The following MAN1C1 variants were observed in gnomAD, a reference collection of about 807,000 sequenced individuals.
The protein encoded by MAN1C1 is mannosyl-oligosaccharide 1,2-alpha-mannosidase IC.
A neutral mutation model predicts 71.5 loss-of-function variants in MAN1C1; 49 were observed. The ratio of observed to expected loss-of-function variants is 0.69; its 90% CI spans 0.54 to 0.87. The LOEUF is 0.87. Ranked by LOEUF, MAN1C1 falls within the 40% of genes least tolerant of loss-of-function variation. The probability of loss-of-function intolerance (pLI) is 0.00; values close to 1 mark genes in which losing one functional copy is unlikely to be tolerated. For missense variants in MAN1C1, 743 were observed against 835.0 expected, an observed-to-expected ratio of 0.89 and a Z score of 1.36; for synonymous variants, 352 against 343.7, an observed-to-expected ratio of 1.02 and a Z score of -0.27.
At position 25,648,726 on chromosome 1, in the gene MAN1C1, A is replaced by G. The variant is rs113886739; in HGVS notation, c.540+30389A>G. ...GGCCCTGGCTTTCAGCAAATGGTAA[A>G]CTCTACTTGAGGGCATAATTCAATT... is the stretch of plus-strand genomic sequence containing the variant. On this transcript the variant is annotated intron_variant, in intron 1 of 11. Transcript: ENST00000374332. Among the ~76,000 whole-genome samples the G allele has an allele frequency of 3.5e-3, 529 of 152,186 alleles. 3 individuals carry two copies. Among genetic ancestry groups the G allele is most frequent in the African/African-American group, 0.012 (513 of 41,502 alleles).
intron 2 of MAN1C1, among the ~76,000 whole-genome samples, chr1:25,696,327 C>T (rs1014666301): frequency 3.3e-5 from 5 of 152,122 alleles, no homozygotes; most frequent in African/African-American, 9.7e-5. Flanking sequence ...GTCTGAGGAC[C>T]GGGAGGCAGG....
intron 2 of MAN1C1, among the ~76,000 whole-genome samples, chr1:25,697,185 A>C (rs2046381006): frequency 1.3e-5 from 2 of 151,880 alleles, no homozygotes; most frequent in Non-Finnish European, 2.9e-5. Flanking sequence ...CTCATTTCTC[A>C]TCCTCTTTCC....
At chr1:25,731,076 G>T (rs1369860712) in intron 2 of MAN1C1, among the ~76,000 whole-genome samples, 1 of 152,194 alleles carries the variant, frequency 6.6e-6, no homozygotes. Context: ...CAGCACTTTG[G>T]GAGGTCGAGG....
Position 25,775,823 on chromosome 1 carries a change from TCTGCAAAGTACAGCA to T in MAN1C1, c.1258-2277_1258-2263del, listed in dbSNP as rs1299286074. 1 of 152,228 alleles carries T rather than the reference TCTGCAAAGTACAGCA, an allele frequency of 6.6e-6. No homozygotes were observed. Among genetic ancestry groups the T allele is most frequent in the Non-Finnish European group, 1.5e-5 (1 of 68,060 alleles). 9.4% of individuals were successfully genotyped at this position (152,228 alleles called of 1,614,324 possible). On this transcript the variant is annotated intron_variant, in intron 8 of 11. Coordinates refer to ENST00000374332, the MANE Select transcript of MAN1C1 (RefSeq NM_020379.4). The surrounding 1 kb of genome is among the most constrained non-coding windows in gnomAD (Gnocchi z 5.1). ...GCAGAGAGATTTTCCCTGACCTCCCTCTGCAAAGTACAGCACTGCCCCCACCCCAGTTTTTTTTGT... is the reference window on the plus strand; with the variant it reads ...GCAGAGAGATTTTCCCTGACCTCCCTCTGCCCCCACCCCAGTTTTTTTTGT...
intron 1 of MAN1C1, among the ~76,000 whole-genome samples, chr1:25,624,674 G>A (rs1485004251): frequency 6.6e-6 from 1 of 152,172 alleles, no homozygotes; most frequent in Non-Finnish European, 1.5e-5. Context: ...TGCTGCCAAG[G>A]TGAACCTTCT....
chr1:25,701,525 C>T (rs2046443710), intron 2 of MAN1C1, among the ~76,000 whole-genome samples: 1 of 152,272 alleles, frequency 6.6e-6, no homozygotes, highest in South Asian at 2.1e-4. Flanking sequence ...CCAACGCCCA[C>T]ATTCCCTGTT....
Position 25,746,606 on chromosome 1 carries a change from G to A in MAN1C1, c.638-62G>A, listed in dbSNP as rs928751950. Reference sequence around the variant, plus strand: ...GGAGGGGCCCTGAGAACGGTGGCTTGTCCAGTTGGGGAAAAGAGAAAGATG... The same window carrying A: ...GGAGGGGCCCTGAGAACGGTGGCTTATCCAGTTGGGGAAAAGAGAAAGATG... On this transcript the variant is annotated intron_variant, in intron 2 of 11. Coordinates refer to ENST00000374332, the MANE Select transcript of MAN1C1 (RefSeq NM_020379.4). The surrounding 1 kb of genome is among the most constrained non-coding windows in gnomAD (Gnocchi z 4.0). The A allele has an allele frequency of 1.8e-5, 24 of 1,315,904 alleles. No individual in the cohort carries two copies. The highest frequency in any genetic ancestry group is 1.8e-4 in the Middle Eastern group (1 of 5,564). 81.5% of individuals were successfully genotyped at this position (1,315,904 alleles called of 1,614,324 possible). A position where few individuals can be genotyped will look rare whatever the true frequency, so the allele number is the denominator to read the frequency against.
At chr1:25,643,001 G>T (rs889166901) in intron 1 of MAN1C1, among the ~76,000 whole-genome samples, 3 of 152,192 alleles carry the variant, frequency 2.0e-5, no homozygotes, top group Admixed American at 6.5e-5. Context: ...TGACTCATTT[G>T]TCAGGGTTCT....
intron 3 of MAN1C1, among the ~76,000 whole-genome samples, chr1:25,748,185 G>A (rs998302409): frequency 3.9e-5 from 6 of 152,168 alleles, no homozygotes; most frequent in African/African-American, 1.4e-4. Flanking sequence ...TGGGGCAGGT[G>A]AGGAAATGTC....
intron 7 of MAN1C1, among the ~76,000 whole-genome samples, chr1:25,768,466 A>ACACAC: frequency 8.6e-6 from 1 of 116,502 alleles, no homozygotes; most frequent in Non-Finnish European, 1.8e-5. Flanking sequence ...CTCCCCTCAC[A>ACACAC]CACACACATT....
intron 1 of MAN1C1, among the ~76,000 whole-genome samples, chr1:25,648,371 A>G (rs916802964): frequency 6.6e-6 from 1 of 152,172 alleles, no homozygotes; most frequent in Admixed American, 6.5e-5. Flanking sequence ...AAGCCGTCTG[A>G]TATTGGTGCT....
In MAN1C1 at chr1:25,763,859, T is replaced by A; in HGVS notation, c.1048-15T>A. 6.2e-7 allele frequency: 1 copy of A among 1,611,532 alleles called. No individual in the cohort carries two copies. The highest frequency in any genetic ancestry group is 8.5e-7 in the Non-Finnish European group (1 of 1,177,934). ...CGGAAGCATGAAGGCTCACCTGGTG[T>A]CCGTCTCTCGGCAGGTCAGGAACAT... On this transcript the variant is annotated splice_polypyrimidine_tract_variant and intron_variant, in intron 6 of 11. Coordinates refer to ENST00000374332, the MANE Select transcript of MAN1C1 (RefSeq NM_020379.4).
At chr1:25,652,268 C>G (rs2045703156) in intron 1 of MAN1C1, among the ~76,000 whole-genome samples, 1 of 152,210 alleles carries the variant, frequency 6.6e-6, no homozygotes, top group Admixed American at 6.5e-5. Context: ...GCAGGAGGGA[C>G]TCCTGTGCAG....
chr1:25,717,574 C>T (rs2046698279), intron 2 of MAN1C1, among the ~76,000 whole-genome samples: 1 of 149,366 alleles, frequency 6.7e-6, no homozygotes, highest in Non-Finnish European at 1.5e-5. Context: ...GTACCATTTT[C>T]CTTTTTTTTT....
At chr1:25,668,417 A>T (rs2045951934) in intron 1 of MAN1C1, among the ~76,000 whole-genome samples, 1 of 152,170 alleles carries the variant, frequency 6.6e-6, no homozygotes. Flanking sequence ...GTACTAGAAC[A>T]TGGGGTACAT....
rs528657729 is a variant in MAN1C1 at position 25,735,266 on chromosome 1, A to C, written c.638-11402A>C. On this transcript the variant is annotated intron_variant, in intron 2 of 11. Coordinates refer to ENST00000374332, the MANE Select transcript of MAN1C1 (RefSeq NM_020379.4). This position sits in a 1 kb window ranked among gnomAD's most constrained non-coding sequence, Gnocchi z 4.6. ...ATCCCCACCTCTGCCAAAAACACAA[A>C]AATTAGCCGGGCATGCTGACGCATG... Among the ~76,000 whole-genome samples, 21 of 152,296 alleles carry C rather than the reference A, an allele frequency of 1.4e-4. No homozygotes were observed. Among genetic ancestry groups the C allele is most frequent in the Non-Finnish European group, 2.5e-4 (17 of 68,020 alleles).
chr1:25,630,298 A>G (rs368181787), intron 1 of MAN1C1, among the ~76,000 whole-genome samples: 1 of 152,212 alleles, frequency 6.6e-6, no homozygotes, highest in African/African-American at 2.4e-5. Flanking sequence ...TTTGGTAACT[A>G]TAGCCTTGTG....
At chr1:25,748,122 G>A (rs1256700234) in intron 3 of MAN1C1, among the ~76,000 whole-genome samples, 3 of 152,142 alleles carry the variant, frequency 2.0e-5, no homozygotes, top group Admixed American at 6.5e-5. Flanking sequence ...GATACAGAAC[G>A]GGCTCAGGCA....
intron 1 of MAN1C1, among the ~76,000 whole-genome samples, chr1:25,621,081 A>G (rs1188370283): frequency 6.6e-6 from 1 of 152,208 alleles, no homozygotes; most frequent in Admixed American, 6.5e-5. Flanking sequence ...TTCCTGTAAA[A>G]TGGGGTGAGG....
Sources: allele counts gnomAD v4.1 joint callset (sites outside exome capture counted in the v4.1 genomes callset), GRCh38; gene constraint gnomAD v4.1.1; non-coding constraint Gnocchi (gnomAD v3.1); transcripts MANE v1.5; gene names NCBI Gene and HGNC (gene_info 2026-07-23, HGNC 2026-07-21).